The following ADAMTSL1 variants were observed in gnomAD, a reference collection of about 807,000 sequenced individuals.
ADAMTSL1 encodes the protein ADAMTS-like protein 1.
Under a neutral mutation model 201.8 loss-of-function variants are expected in ADAMTSL1, and 126 were observed. That is an observed-to-expected ratio of 0.62 (90% confidence interval 0.54 to 0.72). The LOEUF is 0.72. Among genes scored for constraint, ADAMTSL1 ranks in the 30% least tolerant of loss-of-function variants. The probability of loss-of-function intolerance (pLI) is 0.00; values close to 1 mark genes in which losing one functional copy is unlikely to be tolerated. For missense variants in ADAMTSL1, 2,679 were observed against 2,277.8 expected (o/e 1.18, Z -3.59); for synonymous variants, 1,121 against 903.4 (o/e 1.24, Z -4.32).
intron 26 of ADAMTSL1, among the ~76,000 whole-genome samples, chr9:18,900,383 T>A (rs1829936303): frequency 1.3e-5 from 2 of 152,118 alleles, no homozygotes; most frequent in African/African-American, 4.8e-5. Context: ...TCATCAAAGA[T>A]CTAGAGGCAG....
chr9:18,884,796 C>G (rs1018862105), intron 23 of ADAMTSL1, among the ~76,000 whole-genome samples: 1 of 152,106 alleles, frequency 6.6e-6, no homozygotes, highest in Admixed American at 6.5e-5. Context: ...TGATTACTAT[C>G]ACTTTGTATT....
intron 2 of ADAMTSL1, among the ~76,000 whole-genome samples, chr9:18,419,948 T>G (rs900951736): frequency 6.6e-6 from 1 of 152,132 alleles, no homozygotes; most frequent in Non-Finnish European, 1.5e-5. Flanking sequence ...CAGGCTGGTC[T>G]TGAACTCCTG....
intron 1 of ADAMTSL1, among the ~76,000 whole-genome samples, chr9:18,089,832 T>G (rs1823929778): frequency 6.6e-6 from 1 of 152,188 alleles, no homozygotes; most frequent in Non-Finnish European, 1.5e-5. Flanking sequence ...AGATCTGCTG[T>G]ATAAGATCCT....
chr9:18,086,280 T>C (rs748149368), intron 1 of ADAMTSL1, among the ~76,000 whole-genome samples: 3 of 151,936 alleles, frequency 2.0e-5, no homozygotes, highest in Non-Finnish European at 4.4e-5. Context: ...GACCACCAAA[T>C]AGAGGAGGAA....
chr9:18,837,488 T>A (rs1158416287), intron 23 of ADAMTSL1, among the ~76,000 whole-genome samples: 1 of 152,228 alleles, frequency 6.6e-6, no homozygotes, highest in African/African-American at 2.4e-5. Context: ...CTTAATGCCC[T>A]ATAAATCATA....
At position 17,934,855 on chromosome 9, in the gene ADAMTSL1, G is replaced by A. The variant is rs115856673; in HGVS notation, c.87+27933G>A. ...CTCCATCCCCATTTGCCTATTCAAG[G>A]ATATTCTTCTAGTAATTCTTCCCCT... On this transcript the variant is annotated intron_variant, in intron 1 of 29. Coordinates refer to the ADAMTSL1 transcript ENST00000680146. Among the ~76,000 whole-genome samples the A allele has an allele frequency of 4.8e-3, 696 of 145,508 alleles. 10 individuals are homozygous for A. The highest frequency in any genetic ancestry group is 0.017 in the African/African-American group (657 of 39,466).
chr9:18,009,818 C>A (rs1351862409), intron 1 of ADAMTSL1, among the ~76,000 whole-genome samples: 1 of 151,960 alleles, frequency 6.6e-6, no homozygotes, highest in Non-Finnish European at 1.5e-5. Context: ...GAAATAGTCA[C>A]GAAGCAATTC....
rs772664014 is a variant in ADAMTSL1 at position 18,826,345 on chromosome 9, T to C, written c.3996T>C (p.His1332=). ...RNKSKLGSPH[H]LHEGSLLLTN... Reference sequence around the variant, plus strand: ...AAAGCAAACTGGGCTCCCCGCACCATCTGCACGAAGGCTCCTTGCTGCTCA... The same window carrying C: ...AAAGCAAACTGGGCTCCCCGCACCACCTGCACGAAGGCTCCTTGCTGCTCA... Residue 1332 remains histidine (H), a synonymous_variant, in exon 22 of 29, where the codon CAT becomes CAC. Transcript: ENST00000380548. 3.1e-6 allele frequency: 5 copies of C among 1,613,520 alleles called. No homozygotes were observed. In the South Asian group the frequency reaches 4.4e-5, roughly 14 times the overall value.
intron 1 of ADAMTSL1, among the ~76,000 whole-genome samples, chr9:17,968,251 T>C (rs909206617): frequency 6.6e-6 from 1 of 152,112 alleles, no homozygotes; most frequent in Non-Finnish European, 1.5e-5. Flanking sequence ...AGGAAGGCAT[T>C]GTGCCACTAG....
intron 19 of ADAMTSL1, 129 bp downstream of exon 19, chr9:18,778,035 C>T (rs940901019): frequency 5.9e-6 from 7 of 1,176,862 alleles, no homozygotes; most frequent in African/African-American, 3.1e-5. Context: ...GGGACCCCAT[C>T]ATGGGGTGCA....
At position 18,800,592 on chromosome 9, in the gene ADAMTSL1, A is replaced by T. The variant is rs111646681; in HGVS notation, c.3805+5068A>T. Among the ~76,000 whole-genome samples, 562 of 152,256 alleles carry T rather than the reference A, an allele frequency of 3.7e-3. 4 individuals carry two copies. The highest frequency in any genetic ancestry group is 0.013 in the African/African-American group (522 of 41,536). On this transcript the variant is annotated intron_variant, in intron 20 of 28. Coordinates refer to ENST00000380548, the MANE Select transcript of ADAMTSL1 (RefSeq NM_001040272.6). ...CCCCAAGCTTTCATAGAACTTACTTAAAACTGATGAGAGTATAGCAGGAGA... is the reference window on the plus strand; with the variant it reads ...CCCCAAGCTTTCATAGAACTTACTTTAAACTGATGAGAGTATAGCAGGAGA...
chr9:18,806,643 C>G (rs1440864767), intron 20 of ADAMTSL1, among the ~76,000 whole-genome samples: 3 of 152,156 alleles, frequency 2.0e-5, no homozygotes. Flanking sequence ...CACATATGTT[C>G]AGATTTTTTC....
chr9:18,200,255 G>A (rs1000261604), intron 2 of ADAMTSL1, among the ~76,000 whole-genome samples: 23 of 151,616 alleles, frequency 1.5e-4, no homozygotes, highest in African/African-American at 3.4e-4. Flanking sequence ...GCAAAATAGC[G>A]AGACACTATC....
intron 4 of ADAMTSL1, among the ~76,000 whole-genome samples, chr9:18,580,764 T>C (rs915771794): frequency 2.0e-5 from 3 of 152,220 alleles, no homozygotes; most frequent in African/African-American, 7.2e-5. Context: ...ATTAACAGTA[T>C]GCTAAATACT....
At chr9:18,575,210 G>A (rs1351940751) in intron 4 of ADAMTSL1, among the ~76,000 whole-genome samples, 2 of 152,080 alleles carry the variant, frequency 1.3e-5, no homozygotes, top group African/African-American at 4.8e-5. Context: ...TGGATGTAAA[G>A]GCAAAAACTG....
chr9:18,337,934 C>T (rs994461815), intron 2 of ADAMTSL1, among the ~76,000 whole-genome samples: 1 of 152,114 alleles, frequency 6.6e-6, no homozygotes, highest in Non-Finnish European at 1.5e-5. Context: ...GGGCTAGGTT[C>T]TGCAGCTGTG....
At chr9:18,239,775 AAAGG>A (rs1282630342) in intron 2 of ADAMTSL1, among the ~76,000 whole-genome samples, 2 of 151,666 alleles carry the variant, frequency 1.3e-5, no homozygotes, top group African/African-American at 2.4e-5. Context: ...AGGAAAGAAG[AAAGG>A]AAGGAAGGAA....
chr9:18,350,574 C>T (rs1181583344), intron 2 of ADAMTSL1, among the ~76,000 whole-genome samples: 3 of 151,906 alleles, frequency 2.0e-5, no homozygotes, highest in African/African-American at 7.3e-5. Flanking sequence ...ATTGTCAGAA[C>T]AGAAAGGTAG....
intron 14 of ADAMTSL1, among the ~76,000 whole-genome samples, chr9:18,710,763 T>G (rs1239182474): frequency 6.6e-6 from 1 of 150,732 alleles, no homozygotes; most frequent in Non-Finnish European, 1.5e-5. Flanking sequence ...AACATTGGGT[T>G]GGTCAATTTA....
Sources: gnomAD v4.1 joint callset for allele counts (sites outside exome capture counted in the v4.1 genomes callset) on GRCh38, gnomAD v4.1.1 for gene constraint, MANE v1.5 for transcripts, NCBI Gene and HGNC (gene_info 2026-07-23, HGNC 2026-07-21) for gene names.